BBS9: variants seen among roughly 807,000 people sequenced by gnomAD.
BBS9 encodes Bardet-Biedl syndrome 9, also known as protein PTHB1.
In BBS9, 89 loss-of-function variants were observed where a neutral mutation model predicts 117.7. The ratio of observed to expected loss-of-function variants is 0.76; its 90% CI spans 0.64 to 0.90. BBS9 has a LOEUF of 0.90. Among genes scored for constraint, BBS9 ranks in the 40% least tolerant of loss-of-function variants. BBS9 has a pLI of 0.00. For synonymous variants in BBS9, 379 were observed against 370.9 expected, an observed-to-expected ratio of 1.02 and a Z score of -0.25; for missense variants, 982 against 1,042.2, an observed-to-expected ratio of 0.94 and a Z score of 0.80.
intron 21 of BBS9, among the ~76,000 whole-genome samples, chr7:33,566,663 C>T (rs1031355188): frequency 6.6e-6 from 1 of 151,920 alleles, no homozygotes; most frequent in Non-Finnish European, 1.5e-5. Flanking sequence ...AGAATGCTAC[C>T]TTTTTATTTT....
intron 20 of BBS9, among the ~76,000 whole-genome samples, chr7:33,521,401 G>A (rs927191712): frequency 2.0e-5 from 3 of 152,174 alleles, no homozygotes; most frequent in African/African-American, 4.8e-5. Context: ...CCACAAAATG[G>A]TGTGGATAAA....
rs1278607147 is a variant in BBS9 at position 33,273,103 on chromosome 7, A to T, written c.794A>T (p.Glu265Val). 6.2e-7 allele frequency: 1 copy of T among 1,613,722 alleles called. No individual in the cohort carries two copies. Reference sequence around the variant, plus strand: ...GCATCCTCTGTTTTTGTTCTTGGTGAGAGAAACTTTTTTTGCCTTAAGGAT... The same window carrying T: ...GCATCCTCTGTTTTTGTTCTTGGTGTGAGAAACTTTTTTTGCCTTAAGGAT... ...QSASSVFVLG[E>V]RNFFCLKDNG... The change falls in exon 8 of 23, where the codon GAG becomes GTG. Residue 265 changes from glutamate (E) to valine (V), a missense_variant. Physicochemically the swap from Glu to Val is moderately radical, Grantham distance 121. Coordinates refer to ENST00000242067, the MANE Select transcript of BBS9 (RefSeq NM_198428.3).
At chr7:33,532,729 C>A (rs1465272448) in intron 20 of BBS9, among the ~76,000 whole-genome samples, 3 of 151,970 alleles carry the variant, frequency 2.0e-5, no homozygotes, top group African/African-American at 7.2e-5. Context: ...TTGGGAGTAA[C>A]CTTATCTGAT....
chr7:33,262,211 C>T (rs1798082217), intron 6 of BBS9, among the ~76,000 whole-genome samples: 1 of 152,068 alleles, frequency 6.6e-6, no homozygotes, highest in Non-Finnish European at 1.5e-5. Flanking sequence ...TTTGGCTGTG[C>T]CTCTGCCTGC....
intron 21 of BBS9, among the ~76,000 whole-genome samples, chr7:33,581,286 C>G (rs1005750152): frequency 1.3e-5 from 2 of 152,088 alleles, no homozygotes; most frequent in African/African-American, 4.8e-5. Context: ...GTAAGTTCTT[C>G]TCACTGGCGA....
intron 17 of BBS9, among the ~76,000 whole-genome samples, chr7:33,370,761 T>C (rs191554430): frequency 3.8e-3 from 575 of 152,324 alleles, no homozygotes; most frequent in Non-Finnish European, 6.6e-3. Context: ...CAAACACTGC[T>C]AGCTCTCTCT....
At chr7:33,465,362 TGTG>T (rs548526043) in intron 19 of BBS9, among the ~76,000 whole-genome samples, 70 of 151,978 alleles carry the variant, frequency 4.6e-4, no homozygotes, top group African/African-American at 1.6e-3. Flanking sequence ...GGGGTGGAGT[TGTG>T]GTGGGTGGGG....
intron 5 of BBS9, among the ~76,000 whole-genome samples, chr7:33,209,681 A>G (rs932084455): frequency 2.6e-5 from 4 of 152,290 alleles, no homozygotes; most frequent in East Asian, 3.9e-4. Context: ...TTATTGGCAT[A>G]TAGTTGCTCA....
intron 9 of BBS9, among the ~76,000 whole-genome samples, chr7:33,279,702 TTTC>T (rs1801450997): frequency 6.6e-6 from 1 of 152,208 alleles, no homozygotes; most frequent in African/African-American, 2.4e-5. Flanking sequence ...CTGTCTGTGT[TTTC>T]TTCTTCCTTT....
intron 21 of BBS9, among the ~76,000 whole-genome samples, chr7:33,577,981 A>G (rs1262786124): frequency 6.6e-6 from 1 of 152,152 alleles, no homozygotes; most frequent in Admixed American, 6.5e-5. Flanking sequence ...CAGCAAACCA[A>G]CATGGCACAT....
intron 21 of BBS9, among the ~76,000 whole-genome samples, chr7:33,554,530 C>A (rs1004022237): frequency 6.6e-6 from 1 of 152,090 alleles, no homozygotes; most frequent in Non-Finnish European, 1.5e-5. Flanking sequence ...GGAATGTTGC[C>A]TTTAGTACCA....
chr7:33,153,344 T>G (rs921454875), intron 3 of BBS9, among the ~76,000 whole-genome samples: 13 of 152,228 alleles, frequency 8.5e-5, no homozygotes, highest in Non-Finnish European at 1.8e-4. Context: ...CAAAGTACTT[T>G]ATTCTTAAAT....
chr7:33,233,758 T>C (rs1460081317), intron 5 of BBS9, among the ~76,000 whole-genome samples: 1 of 152,128 alleles, frequency 6.6e-6, no homozygotes, highest in African/African-American at 2.4e-5. Flanking sequence ...AACTTTGAAA[T>C]TTCTATTTCT....
At chr7:33,438,746 C>A (rs1835682279) in intron 19 of BBS9, among the ~76,000 whole-genome samples, 1 of 152,178 alleles carries the variant, frequency 6.6e-6, no homozygotes, top group Non-Finnish European at 1.5e-5. Flanking sequence ...AATGAAAGAA[C>A]TTGGGCTATA....
chr7:33,498,502 C>T (rs142207263), intron 19 of BBS9, among the ~76,000 whole-genome samples: 3 of 152,206 alleles, frequency 2.0e-5, no homozygotes, highest in African/African-American at 7.2e-5. Context: ...CTGTCACTTC[C>T]CATTCCTCCT....
intron 21 of BBS9, among the ~76,000 whole-genome samples, chr7:33,555,142 T>A (rs13226813): frequency 0.033 from 4,989 of 152,296 alleles, 166 homozygotes; most frequent in East Asian, 0.19. Context: ...ATATAAACAC[T>A]GTCTCAAATG....
At chr7:33,598,643 A>C (rs924762771) in intron 21 of BBS9, among the ~76,000 whole-genome samples, 2 of 152,218 alleles carry the variant, frequency 1.3e-5, no homozygotes, top group Non-Finnish European at 2.9e-5. Flanking sequence ...TGCACATCTG[A>C]AACTATTCTA....
At chr7:33,546,346 G>C (rs1349719121) in intron 21 of BBS9, among the ~76,000 whole-genome samples, 2 of 152,096 alleles carry the variant, frequency 1.3e-5, no homozygotes, top group African/African-American at 4.8e-5. Flanking sequence ...AACTGCTTCT[G>C]ATATTGGTAT....
At chr7:33,406,082 C>T (rs1226108534) in intron 19 of BBS9, among the ~76,000 whole-genome samples, 9 of 152,192 alleles carry the variant, frequency 5.9e-5, no homozygotes, top group African/African-American at 2.2e-4. Context: ...TTTATTTCTG[C>T]CTTCATTTCG....
Sources: gnomAD v4.1 joint callset for allele counts (sites outside exome capture counted in the v4.1 genomes callset) on GRCh38, gnomAD v4.1.1 for gene constraint, MANE v1.5 for transcripts, NCBI Gene and HGNC (gene_info 2026-07-23, HGNC 2026-07-21) for gene names.